UGGT1: variants seen among roughly 807,000 people sequenced by gnomAD.
UGGT1 encodes the protein UDP-glucose glycoprotein glucosyltransferase 1, also known as UDP-glucose:glycoprotein glucosyltransferase 1.
In UGGT1, 107 loss-of-function variants were observed where a neutral mutation model predicts 203.9. The observed-to-expected ratio is 0.52, with a 90% CI of 0.45 to 0.62. UGGT1 has a LOEUF of 0.62. UGGT1 is among the 20% of genes least tolerant of loss of function. The pLI is 0.00. For missense variants in UGGT1, 1,673 were observed against 1,867.2 expected (o/e 0.90, Z 1.92); for synonymous variants, 628 against 653.5 (o/e 0.96, Z 0.59).
At position 128,164,410 on chromosome 2, in the gene UGGT1, T is replaced by G. The variant is rs1260231457; in HGVS notation, c.2826-320T>G. ...CTCTAATAGTCATAAAAAGTAATAG[T>G]TTTAAAAGGACAAGGGAGAATGTAA... On this transcript the variant is annotated intron_variant, in intron 25 of 40. Transcript: ENST00000259253. 4.6e-5 allele frequency among the ~76,000 whole-genome samples: 7 copies of G among 152,298 alleles called. No individual in the cohort carries two copies. The South Asian group carries it at 6.2e-4, about 14-fold the overall frequency.
chr2:128,170,009 A>T (rs1488800197), intron 26 of UGGT1, among the ~76,000 whole-genome samples: 2 of 152,208 alleles, frequency 1.3e-5, no homozygotes, highest in South Asian at 4.1e-4. Context: ...TAATGTTATC[A>T]GAAGCTAACT....
intron 36 of UGGT1, 66 bp downstream of exon 36, chr2:128,181,138 G>A: frequency 1.4e-6 from 2 of 1,469,310 alleles, no homozygotes; most frequent in Non-Finnish European, 9.3e-7. Context: ...CTTTTTAAAT[G>A]CTATTTTTTC....
intron 37 of UGGT1, 84 bp downstream of exon 37, chr2:128,182,374 A>T: frequency 6.9e-7 from 1 of 1,449,206 alleles, no homozygotes; most frequent in Non-Finnish European, 9.3e-7. Context: ...AATAGGTAAT[A>T]CATTGGTATG....
intron 18 of UGGT1, among the ~76,000 whole-genome samples, chr2:128,152,123 G>A (rs925916559): frequency 2.0e-5 from 3 of 152,090 alleles, no homozygotes; most frequent in Non-Finnish European, 4.4e-5. Flanking sequence ...AACAAAGATG[G>A]GAGTGGTTTT....
In UGGT1 at chr2:128,187,460, G is replaced by A. The variant is rs1011701388; in HGVS notation, c.4488G>A (p.Pro1496=). 7.4e-6 allele frequency: 12 copies of A among 1,613,534 alleles called. No homozygotes were observed. Among genetic ancestry groups the A allele is most frequent in the African/African-American group, 1.3e-5 (1 of 74,980 alleles). ...RAKTIDLCNN[P]MTKEPKLEAA... ...TTTTGGTTTCACAGTGTAATAATCCGATGACCAAAGAGCCGAAACTGGAAG... is the reference window on the plus strand; with the variant it reads ...TTTTGGTTTCACAGTGTAATAATCCAATGACCAAAGAGCCGAAACTGGAAG... Residue 1496 remains proline, a synonymous_variant, in exon 40 of 41, where the codon CCG becomes CCA. Transcript: ENST00000259253.
At chr2:128,099,432 C>T (rs1448983461) in intron 2 of UGGT1, among the ~76,000 whole-genome samples, 1 of 152,212 alleles carries the variant, frequency 6.6e-6, no homozygotes, top group Admixed American at 6.5e-5. Context: ...GTGTGAGCCA[C>T]CATGCCTGGC....
Position 128,144,551 on chromosome 2 carries a change from G to A in UGGT1, c.1852-1252G>A, listed in dbSNP as rs141286170. Among the ~76,000 whole-genome samples the A allele has an allele frequency of 5.8e-3, 878 of 152,310 alleles. 4 individuals are homozygous for A. Among genetic ancestry groups the A allele is most frequent in the Non-Finnish European group, 9.3e-3 (633 of 68,006 alleles). On this transcript the variant is annotated intron_variant, in intron 17 of 40. Coordinates refer to ENST00000259253, the MANE Select transcript of UGGT1 (RefSeq NM_020120.4). The stretch of plus-strand genomic sequence containing the variant: ...TCAAAACTAAAGTTAGATGAAAATT[G>A]AGTTTTAATGGATATCTATGAAATA...
Position 128,180,885 on chromosome 2 carries a change from A to T in UGGT1, c.3901-5A>T, listed in dbSNP as rs1182835162. 1 of 1,604,182 alleles carries T rather than the reference A, an allele frequency of 6.2e-7. No homozygotes were observed. Among genetic ancestry groups the T allele is most frequent in the African/African-American group, 1.3e-5 (1 of 74,516 alleles). On this transcript the variant is annotated splice_region_variant and splice_polypyrimidine_tract_variant and intron_variant, in intron 35 of 40. Coordinates refer to ENST00000259253, the MANE Select transcript of UGGT1 (RefSeq NM_020120.4). ...ATTATTTGTTGTTCCCATGTCTAAA[A>T]ATAGGAGTTTATACCTTACATGGCA...
Position 128,112,789 on chromosome 2 carries a change from G to T in UGGT1, c.522-295G>T, listed in dbSNP as rs1209596834. The stretch of plus-strand genomic sequence containing the variant: ...TGTAGAGTCGAGGTTTTGCTATGTT[G>T]CCCAGGCTTTGTCTTAGTTATGATT... On this transcript the variant is annotated intron_variant, in intron 5 of 40. Coordinates refer to ENST00000259253, the MANE Select transcript of UGGT1 (RefSeq NM_020120.4). Among the ~76,000 whole-genome samples the T allele has an allele frequency of 4.0e-5, 6 of 151,720 alleles. No individual in the cohort carries two copies. The East Asian group carries it at 1.2e-3, about 30-fold the overall frequency.
At position 128,157,235 on chromosome 2, in the gene UGGT1, T is replaced by C. The variant is rs1690280120; in HGVS notation, c.2261-17T>C. 1 of 1,594,140 alleles carries C rather than the reference T, an allele frequency of 6.3e-7. No homozygotes were observed. The highest frequency in any genetic ancestry group is 8.6e-7 in the Non-Finnish European group (1 of 1,162,144). On this transcript the variant is annotated splice_polypyrimidine_tract_variant and intron_variant, in intron 21 of 40. Transcript: ENST00000259253. ...TTCTCTCCTCTGACTCAATTAGCTGTTTTTGTTTTTCTACAGATGATTCTT... is the reference window on the plus strand; with the variant it reads ...TTCTCTCCTCTGACTCAATTAGCTGCTTTTGTTTTTCTACAGATGATTCTT...
At chr2:128,096,028 T>A (rs1687102953) in intron 1 of UGGT1, among the ~76,000 whole-genome samples, 1 of 152,104 alleles carries the variant, frequency 6.6e-6, no homozygotes, top group South Asian at 2.1e-4. Flanking sequence ...GAGGTCCGAT[T>A]AGGGTTCTGT....
intron 19 of UGGT1, among the ~76,000 whole-genome samples, chr2:128,155,252 A>G (rs1690171281): frequency 6.6e-6 from 1 of 152,204 alleles, no homozygotes; most frequent in South Asian, 2.1e-4. Context: ...AAACTGACAC[A>G]TACTTATATG....
At chr2:128,158,733 T>C (rs2104734625) in intron 22 of UGGT1, among the ~76,000 whole-genome samples, 1 of 152,276 alleles carries the variant, frequency 6.6e-6, no homozygotes, top group African/African-American at 2.4e-5. Context: ...TACAAGCCCT[T>C]TTTTGGCTTT....
chr2:128,160,804 G>A (rs1690490120), intron 24 of UGGT1, among the ~76,000 whole-genome samples: 1 of 152,148 alleles, frequency 6.6e-6, no homozygotes, highest in Admixed American at 6.5e-5. Flanking sequence ...TCCTGCTGTC[G>A]GTGAGAGTGT....
rs749434005 is a variant in UGGT1, at chr2:128,138,838, C to G, written c.1705C>G (p.Gln569Glu). 6.2e-7 allele frequency: 1 copy of G among 1,613,392 alleles called. No individual in the cohort carries two copies. Among genetic ancestry groups the G allele is most frequent in the Non-Finnish European group, 8.5e-7 (1 of 1,179,838 alleles). The change falls in exon 16 of 41, where the codon CAG becomes GAG. Residue 569 changes from glutamine to glutamate, a missense_variant. By Grantham distance (29) the Gln-to-Glu change is conservative. This residue lies in a region of UGGT1 where 1,073 missense variants were observed against 1,078.7 expected (regional missense o/e 0.99). Transcript: ENST00000259253. ...AQEVDDYHAF[Q>E]TLTHIYNKVR... ...AGAAGTGGATGATTATCATGCCTTCCAGACTCTGACACATGTACGTTTTTG... is the reference window on the plus strand; with the variant it reads ...AGAAGTGGATGATTATCATGCCTTCGAGACTCTGACACATGTACGTTTTTG...
chr2:128,097,680 C>A, intron 2 of UGGT1, 116 bp downstream of exon 2: 1 of 1,328,078 alleles, frequency 7.5e-7, no homozygotes, highest in Non-Finnish European at 1.0e-6. Flanking sequence ...TATGAAGAGC[C>A]TCTTTCAGTG....
intron 39 of UGGT1, 59 bp from the exon 40 acceptor site, chr2:128,187,390 A>T: frequency 2.0e-6 from 3 of 1,484,850 alleles, no homozygotes; most frequent in Non-Finnish European, 2.8e-6. Flanking sequence ...GAACCTTTGA[A>T]TTCTCTATCA....
chr2:128,103,211 A>G, intron 2 of UGGT1: 1 of 432,498 alleles, frequency 2.3e-6, no homozygotes, highest in Non-Finnish European at 4.8e-6. Context: ...CATTAGTATT[A>G]TGGCTCAGAG....
At chr2:128,130,656 A>G (rs957698396) in intron 13 of UGGT1, among the ~76,000 whole-genome samples, 7 of 152,210 alleles carry the variant, frequency 4.6e-5, no homozygotes, top group Non-Finnish European at 1.0e-4. Flanking sequence ...GGGAAGAAAC[A>G]GTTTTAGTTG....
Sources: allele counts gnomAD v4.1 joint callset (sites outside exome capture counted in the v4.1 genomes callset), GRCh38; gene constraint gnomAD v4.1.1; regional missense constraint gnomAD v4.1.1; transcripts MANE v1.5; gene names NCBI Gene and HGNC (gene_info 2026-07-23, HGNC 2026-07-21).